Variants in MTUS2 observed in about 807,000 individuals in gnomAD.
MTUS2 encodes microtubule-associated tumor suppressor candidate 2.
In MTUS2, 40 loss-of-function variants were observed where a neutral mutation model predicts 114.1. That is an observed-to-expected ratio of 0.35 (90% CI 0.27 to 0.46). The LOEUF (loss-of-function observed/expected upper bound fraction) is 0.46, where lower values mean the gene tolerates loss of function less well. MTUS2 is among the 20% of genes least tolerant of loss of function. MTUS2 has a pLI of 1.00. For missense variants in MTUS2, 1,679 were observed against 1,705.4 expected (o/e 0.98, Z 0.27); for synonymous variants, 688 against 672.0 (o/e 1.02, Z -0.37).
intron 5 of MTUS2, among the ~76,000 whole-genome samples, chr13:29,262,543 C>T (rs1358299520): frequency 1.3e-5 from 2 of 150,708 alleles, no homozygotes; most frequent in African/African-American, 2.4e-5. Flanking sequence ...TTTGTTCCCC[C>T]CTATAATGAT....
At chr13:28,921,481 C>T (rs886313544) in intron 2 of MTUS2, among the ~76,000 whole-genome samples, 1 of 152,176 alleles carries the variant, frequency 6.6e-6, no homozygotes, top group Admixed American at 6.5e-5. Flanking sequence ...GTGAGCTGCA[C>T]TGCCTGGAGT....
chr13:29,122,618 C>T (rs138639821), intron 5 of MTUS2, among the ~76,000 whole-genome samples: 261 of 152,248 alleles, frequency 1.7e-3, no homozygotes, highest in African/African-American at 6.0e-3. Context: ...GGGATACAGC[C>T]AAATCATGTC....
chr13:29,250,800 C>G, intron 5 of MTUS2, among the ~76,000 whole-genome samples: 1 of 152,042 alleles, frequency 6.6e-6, no homozygotes. Context: ...TAGTTAAGTA[C>G]CAAGAATTTC....
chr13:28,983,856 G>A (rs991550870), intron 2 of MTUS2, among the ~76,000 whole-genome samples: 4 of 152,218 alleles, frequency 2.6e-5, no homozygotes, highest in Non-Finnish European at 4.4e-5. Context: ...CTGCTGCCAA[G>A]CACCTTGACC....
At chr13:29,189,215 G>T (rs1054311583) in intron 5 of MTUS2, among the ~76,000 whole-genome samples, 1 of 152,236 alleles carries the variant, frequency 6.6e-6, no homozygotes, top group Non-Finnish European at 1.5e-5. Context: ...AGAGGGAAGA[G>T]AATATTCAGG....
At chr13:29,310,522 G>T (rs1899705997) in intron 6 of MTUS2, among the ~76,000 whole-genome samples, 1 of 152,052 alleles carries the variant, frequency 6.6e-6, no homozygotes, top group South Asian at 2.1e-4. Context: ...CTTTAAAAAG[G>T]TTACATATTG....
intron 9 of MTUS2, among the ~76,000 whole-genome samples, chr13:29,463,323 A>G (rs979985929): frequency 1.3e-5 from 2 of 152,180 alleles, no homozygotes; most frequent in African/African-American, 4.8e-5. Flanking sequence ...AGTTGTTTTA[A>G]GCCCCTAAGT....
chr13:29,232,432 A>T (rs147126574), intron 5 of MTUS2, among the ~76,000 whole-genome samples: 1 of 152,220 alleles, frequency 6.6e-6, no homozygotes, highest in Non-Finnish European at 1.5e-5. Context: ...TGAGAGCTGG[A>T]TGGAACTTTA....
chr13:28,978,559 G>T (rs1260287261), intron 2 of MTUS2, among the ~76,000 whole-genome samples: 2 of 152,164 alleles, frequency 1.3e-5, no homozygotes, highest in East Asian at 3.8e-4. Flanking sequence ...TGCTTAGCAG[G>T]CCATCTTTGT....
At chr13:28,963,541 A>ATCTCTGTG (rs1883435067) in intron 2 of MTUS2, among the ~76,000 whole-genome samples, 2 of 152,202 alleles carry the variant, frequency 1.3e-5, no homozygotes, top group Non-Finnish European at 2.9e-5. Context: ...ATGCCTATAT[A>ATCTCTGTG]TAGTGTATCT....
chr13:28,931,268 T>C (rs1440864066), intron 2 of MTUS2, among the ~76,000 whole-genome samples: 1 of 152,144 alleles, frequency 6.6e-6, no homozygotes, highest in Non-Finnish European at 1.5e-5. Flanking sequence ...AATACAATGA[T>C]AAAAATAATA....
intron 2 of MTUS2, among the ~76,000 whole-genome samples, chr13:28,952,360 GAAT>G (rs1394082089): frequency 6.6e-6 from 1 of 152,160 alleles, no homozygotes; most frequent in African/African-American, 2.4e-5. Context: ...TATTTGAACA[GAAT>G]AATATTTTTA....
chr13:29,204,471 C>T (rs1296843109), intron 5 of MTUS2, among the ~76,000 whole-genome samples: 1 of 152,198 alleles, frequency 6.6e-6, no homozygotes, highest in Non-Finnish European at 1.5e-5. Flanking sequence ...TTGGAAAGCA[C>T]CTCCAGGCCT....
At chr13:28,992,793 T>C (rs1333957817) in intron 2 of MTUS2, among the ~76,000 whole-genome samples, 4 of 152,162 alleles carry the variant, frequency 2.6e-5, no homozygotes, top group African/African-American at 9.7e-5. Context: ...GTGTACAGTT[T>C]AGTGGCATTA....
At chr13:29,482,678 A>G (rs977832700) in intron 10 of MTUS2, among the ~76,000 whole-genome samples, 65 of 152,244 alleles carry the variant, frequency 4.3e-4, no homozygotes, top group African/African-American at 1.5e-3. Flanking sequence ...GTGCCCAAGG[A>G]ACTGTCACAC....
intron 1 of MTUS2, among the ~76,000 whole-genome samples, chr13:28,821,563 A>G (rs1873904543): frequency 1.3e-5 from 2 of 152,184 alleles, no homozygotes; most frequent in African/African-American, 2.4e-5. Flanking sequence ...TTTTTCAGGT[A>G]AAAATACAAA....
intron 5 of MTUS2, among the ~76,000 whole-genome samples, chr13:29,258,625 A>AT (rs1897360082): frequency 6.6e-6 from 1 of 152,130 alleles, no homozygotes; most frequent in Admixed American, 6.5e-5. Flanking sequence ...TAAAATAAAC[A>AT]TTTTCTTTTT....
At chr13:29,467,642 C>T (rs1012808196) in intron 9 of MTUS2, among the ~76,000 whole-genome samples, 19 of 151,956 alleles carry the variant, frequency 1.3e-4, no homozygotes, top group African/African-American at 3.9e-4. Context: ...TTTTTCTTTG[C>T]AAAAACTCAT....
intron 4 of MTUS2, among the ~76,000 whole-genome samples, chr13:29,051,113 C>T (rs975581179): frequency 6.6e-6 from 1 of 152,086 alleles, no homozygotes; most frequent in Non-Finnish European, 1.5e-5. Context: ...ATGGCAGAAG[C>T]GGAGAGGTCA....
Sources: allele counts gnomAD v4.1 joint callset (sites outside exome capture counted in the v4.1 genomes callset), GRCh38; gene constraint gnomAD v4.1.1; transcripts MANE v1.5; gene names NCBI Gene and HGNC (gene_info 2026-07-23, HGNC 2026-07-21).